The following UGT1A9 variants were observed in gnomAD, a reference collection of about 807,000 sequenced individuals.
The protein encoded by UGT1A9 is UDP-glucuronosyltransferase 1A9.
UGT1A9 carries 35 observed loss-of-function variants against 45.0 expected under a neutral mutation model. The ratio of observed to expected loss-of-function variants is 0.78; its 90% CI spans 0.59 to 1.03. The LOEUF (loss-of-function observed/expected upper bound fraction) is 1.03. UGT1A9 is among the 50% of genes least tolerant of loss of function. UGT1A9 has a pLI of 0.00. For synonymous variants in UGT1A9, 278 were observed against 250.6 expected, an observed-to-expected ratio of 1.11 and a Z score of -1.03; for missense variants, 687 against 666.6, an observed-to-expected ratio of 1.03 and a Z score of -0.34.
At chr2:233,677,956 T>G (rs1246986020) in intron 1 of UGT1A9, among the ~76,000 whole-genome samples, 1 of 152,070 alleles carries the variant, frequency 6.6e-6, no homozygotes, top group Non-Finnish European at 1.5e-5. Flanking sequence ...GAAGAAAATG[T>G]GGAACACATA....
chr2:233,714,065 G>C (rs1559360185), intron 1 of UGT1A9, among the ~76,000 whole-genome samples: 1 of 152,156 alleles, frequency 6.6e-6, no homozygotes, highest in Non-Finnish European at 1.5e-5. Context: ...AGAGGAAGGA[G>C]AGGCAGGGAC....
chr2:233,698,667 C>T (rs2075453581), intron 1 of UGT1A9, among the ~76,000 whole-genome samples: 2 of 152,000 alleles, frequency 1.3e-5, no homozygotes, highest in African/African-American at 4.8e-5. Flanking sequence ...AACTATTGGC[C>T]CAACTATAAA....
chr2:233,726,535 C>T (rs1400370552), intron 1 of UGT1A9, among the ~76,000 whole-genome samples: 1 of 152,142 alleles, frequency 6.6e-6, no homozygotes, highest in Admixed American at 6.6e-5. Flanking sequence ...TAGGGAGATG[C>T]AGTGCAGCGT....
At chr2:233,750,498 C>T (rs1361187436) in intron 1 of UGT1A9, 1 of 151,938 alleles carries the variant, frequency 6.6e-6, no homozygotes, top group Non-Finnish European at 1.5e-5. Flanking sequence ...TAAGGAGGAG[C>T]CAAATGTTAA....
intron 1 of UGT1A9, chr2:233,729,346 T>G (rs1339922469): frequency 1.2e-6 from 2 of 1,614,150 alleles, no homozygotes; most frequent in South Asian, 1.1e-5. Flanking sequence ...AGAAGAGAAC[T>G]TTTTCACCCT....
intron 1 of UGT1A9, chr2:233,747,437 C>G: frequency 1.9e-6 from 3 of 1,608,846 alleles, no homozygotes; most frequent in Non-Finnish European, 2.6e-6. Context: ...AGAAATTTTT[C>G]ACCCTGACAA....
At chr2:233,694,252 G>A (rs1223545942) in intron 1 of UGT1A9, among the ~76,000 whole-genome samples, 1 of 151,942 alleles carries the variant, frequency 6.6e-6, no homozygotes, top group African/African-American at 2.4e-5. Context: ...CTTGAGCCAG[G>A]GACCAGCGAA....
chr2:233,707,415 G>T (rs183543704), intron 1 of UGT1A9, among the ~76,000 whole-genome samples: 1 of 151,836 alleles, frequency 6.6e-6, no homozygotes, highest in Non-Finnish European at 1.5e-5. Context: ...TCTCTCCCTC[G>T]ACTATTTCTT....
chr2:233,688,178 A>C (rs2074881066), intron 1 of UGT1A9, among the ~76,000 whole-genome samples: 1 of 152,218 alleles, frequency 6.6e-6, no homozygotes. Flanking sequence ...TGGAAATGGA[A>C]GCCTTTATGA....
Position 233,691,334 on chromosome 2 carries a change from T to A in UGT1A9, c.855+18545T>A, listed in dbSNP as rs1046553363. 5 of 985,462 alleles carry A rather than the reference T, an allele frequency of 5.1e-6. No individual in the cohort carries two copies. The African/African-American group carries it at 8.7e-5, about 17-fold the overall frequency. 61.0% of individuals were successfully genotyped at this position (985,462 alleles called of 1,614,324 possible). On this transcript the variant is annotated intron_variant, in intron 1 of 4. Transcript: ENST00000354728. ...AGGCTGCTCCCAGCTTGGACTGAGC[T>A]GAGTCTTCGCATGCCTTGAACAATG...
intron 1 of UGT1A9, chr2:233,693,502 A>G (rs1280559315): frequency 2.5e-6 from 4 of 1,614,144 alleles, no homozygotes; most frequent in Non-Finnish European, 3.4e-6. Flanking sequence ...TGGGCCTACC[A>G]TCTGTGTACC....
chr2:233,676,001 T>C (rs766223840), intron 1 of UGT1A9, among the ~76,000 whole-genome samples: 1 of 152,218 alleles, frequency 6.6e-6, no homozygotes, highest in Non-Finnish European at 1.5e-5. Flanking sequence ...TGGAATAGAA[T>C]GGAGAATTCA....
At chr2:233,755,038 C>T (rs751084795) in intron 1 of UGT1A9, 123 of 1,320,106 alleles carry the variant, frequency 9.3e-5, no homozygotes, top group Admixed American at 3.2e-4. Flanking sequence ...CTGCCGCCTG[C>T]GCAGCCGCCC....
At chr2:233,713,500 T>C (rs747145131) in intron 1 of UGT1A9, 1 of 1,614,018 alleles carries the variant, frequency 6.2e-7, no homozygotes, top group East Asian at 2.2e-5. Flanking sequence ...ATTCCTGCTG[T>C]GTTTTTCTTG....
rs1400065654 is a variant in UGT1A9 at position 233,732,845 on chromosome 2, G to C, written c.856-34189G>C. 4.2e-5 allele frequency among the ~76,000 whole-genome samples: 5 copies of C among 119,428 alleles called. No individual in the cohort carries two copies. The East Asian group carries it at 1.3e-3, about 30-fold the overall frequency. 78.3% of individuals were successfully genotyped at this position (119,428 alleles called of 152,430 possible). A position where few individuals can be genotyped will look rare whatever the true frequency, so the allele number is the denominator to read the frequency against. On this transcript the variant is annotated intron_variant, in intron 1 of 4. Coordinates refer to ENST00000354728, the MANE Select transcript of UGT1A9 (RefSeq NM_021027.3). ...CTTTAAAGTAGTTTTTTCCAATTTTGTGAAGTCATTGGTAGCTTGATGGGT... is the reference window on the plus strand; with the variant it reads ...CTTTAAAGTAGTTTTTTCCAATTTTCTGAAGTCATTGGTAGCTTGATGGGT...
chr2:233,688,191 G>T (rs924527532), intron 1 of UGT1A9, among the ~76,000 whole-genome samples: 5 of 152,098 alleles, frequency 3.3e-5, no homozygotes, highest in Non-Finnish European at 5.9e-5. Flanking sequence ...CTTTATGACC[G>T]GCTTCTTTCA....
intron 1 of UGT1A9, among the ~76,000 whole-genome samples, chr2:233,739,752 C>A (rs1309875267): frequency 1.3e-5 from 2 of 152,166 alleles, no homozygotes; most frequent in Non-Finnish European, 2.9e-5. Context: ...GGACTATGGA[C>A]TTTTGAGCTA....
chr2:233,685,883 C>A (rs969889848), intron 1 of UGT1A9, among the ~76,000 whole-genome samples: 1 of 152,088 alleles, frequency 6.6e-6, no homozygotes, highest in African/African-American at 2.4e-5. Flanking sequence ...ATCAATAATT[C>A]TTTAATATTA....
intron 1 of UGT1A9, chr2:233,713,072 G>C (rs2076275928): frequency 6.2e-7 from 1 of 1,614,210 alleles, no homozygotes; most frequent in Non-Finnish European, 8.5e-7. Flanking sequence ...CCTGGGCTGA[G>C]AGTGGGAAGG....
Sources: gnomAD v4.1 joint callset for allele counts (sites outside exome capture counted in the v4.1 genomes callset) on GRCh38, gnomAD v4.1.1 for gene constraint, MANE v1.5 for transcripts, NCBI Gene and HGNC (gene_info 2026-07-23, HGNC 2026-07-21) for gene names.